SRBD1: variants seen among roughly 807,000 people sequenced by gnomAD.
SRBD1 encodes S1 RNA binding domain 1.
Under a neutral mutation model 115.3 loss-of-function variants are expected in SRBD1, and 88 were observed. The ratio of observed to expected loss-of-function variants is 0.76; its 90% CI spans 0.64 to 0.91. The LOEUF is 0.91. Among genes scored for constraint, SRBD1 ranks in the 40% least tolerant of loss-of-function variants. SRBD1 has a pLI of 0.00. For synonymous variants in SRBD1, 509 were observed against 407.7 expected (o/e 1.25, Z -2.99); for missense variants, 1,385 against 1,177.4 (o/e 1.18, Z -2.58).
At chr2:45,593,130 G>A (rs1249628624) in intron 4 of SRBD1, among the ~76,000 whole-genome samples, 2 of 152,208 alleles carry the variant, frequency 1.3e-5, no homozygotes, top group Admixed American at 6.5e-5. Flanking sequence ...TTCTAAGACA[G>A]AGGTACTTAT....
rs909220816 is a variant in SRBD1 at position 45,509,590 on chromosome 2, C to T, written c.1875-21259G>A. The stretch of plus-strand genomic sequence containing the variant: ...CAGCCTGGAGGACACAGCAAGACTC[C>T]GTCTCAAAACACACACACACACACA... On this transcript the variant is annotated intron_variant, in intron 14 of 20. Transcript: ENST00000263736. Among the ~76,000 whole-genome samples, 7 of 105,752 alleles carry T rather than the reference C, an allele frequency of 6.6e-5. No individual in the cohort carries two copies. In the East Asian group the frequency reaches 1.3e-3, roughly 19 times the overall value. The allele number at this position is 105,752 out of a possible 152,430, so 69.4% of individuals were successfully genotyped here. A position where few individuals can be genotyped will look rare whatever the true frequency, so the allele number is the denominator to read the frequency against.
In SRBD1 at chr2:45,547,623, TGAAAA is replaced by T; in HGVS notation, c.1676-16_1676-12del. On this transcript the variant is annotated splice_polypyrimidine_tract_variant and intron_variant, in intron 12 of 20. Coordinates refer to ENST00000263736, the MANE Select transcript of SRBD1 (RefSeq NM_018079.5). ...TATGAAGTATCTGACCTTTAAAAAA[TGAAAA>T]GAATAAGCCATTTTATAAGAAATTA... 6.2e-7 allele frequency: 1 copy of T among 1,601,350 alleles called. No individual in the cohort carries two copies. The highest frequency in any genetic ancestry group is 8.5e-7 in the Non-Finnish European group (1 of 1,174,624).
intron 8 of SRBD1, among the ~76,000 whole-genome samples, chr2:45,574,145 A>C (rs1673104811): frequency 6.6e-6 from 1 of 152,184 alleles, no homozygotes; most frequent in Admixed American, 6.5e-5. Context: ...GCCATAGATA[A>C]GCTGCTCTCC....
At chr2:45,574,302 G>A (rs1673109630) in intron 8 of SRBD1, among the ~76,000 whole-genome samples, 1 of 152,138 alleles carries the variant, frequency 6.6e-6, no homozygotes, top group African/African-American at 2.4e-5. Flanking sequence ...AAAAAGCAAT[G>A]CCACTCTAAA....
Position 45,414,522 on chromosome 2 carries a change from GTA to G in SRBD1, c.2334-1231_2334-1230del, listed in dbSNP as rs989101790. ...TAGTGTGTGTGTACACACATAGTGT[GTA>G]TATAGTGTGTGTACACACATAGTGT... On this transcript the variant is annotated intron_variant, in intron 18 of 20. Coordinates refer to ENST00000263736, the MANE Select transcript of SRBD1 (RefSeq NM_018079.5). 1.0e-4 allele frequency among the ~76,000 whole-genome samples: 15 copies of G among 148,094 alleles called. No homozygotes were observed. In the East Asian group the frequency reaches 1.6e-3, roughly 16 times the overall value.
At chr2:45,502,228 C>T (rs1467176624) in intron 14 of SRBD1, among the ~76,000 whole-genome samples, 1 of 152,162 alleles carries the variant, frequency 6.6e-6, no homozygotes, top group Non-Finnish European at 1.5e-5. Context: ...AGCTAAGGGT[C>T]CTGACTGTTA....
intron 14 of SRBD1, among the ~76,000 whole-genome samples, chr2:45,545,366 T>C (rs1312148985): frequency 6.8e-6 from 1 of 146,112 alleles, no homozygotes; most frequent in East Asian, 2.1e-4. Flanking sequence ...TCCTTTCTAA[T>C]AGTACATACT....
intron 16 of SRBD1, among the ~76,000 whole-genome samples, chr2:45,472,892 A>G (rs1669692527): frequency 6.6e-6 from 1 of 151,164 alleles, no homozygotes; most frequent in Non-Finnish European, 1.5e-5. Context: ...TAAGGTCAAC[A>G]TTGCTATGGC....
intron 16 of SRBD1, among the ~76,000 whole-genome samples, chr2:45,439,840 C>G (rs1385768388): frequency 6.6e-6 from 1 of 151,842 alleles, no homozygotes; most frequent in Non-Finnish European, 1.5e-5. Flanking sequence ...AGTTTCTAAC[C>G]TGGTAGGCCA....
At chr2:45,436,715 C>T (rs1668510597) in intron 16 of SRBD1, among the ~76,000 whole-genome samples, 2 of 152,162 alleles carry the variant, frequency 1.3e-5, no homozygotes, top group South Asian at 4.1e-4. Context: ...GAAACCACCC[C>T]CATGATCCAA....
At chr2:45,461,584 TTC>T (rs1178479098) in intron 16 of SRBD1, among the ~76,000 whole-genome samples, 1 of 152,190 alleles carries the variant, frequency 6.6e-6, no homozygotes, top group African/African-American at 2.4e-5. Context: ...GTGCATATGC[TTC>T]TGTGTGGTAC....
chr2:45,534,236 G>C (rs1042829604), intron 14 of SRBD1, among the ~76,000 whole-genome samples: 4 of 151,774 alleles, frequency 2.6e-5, no homozygotes, highest in Admixed American at 6.6e-5. Context: ...CACTGAAATG[G>C]TCTATTTAAA....
Position 45,416,941 on chromosome 2 carries a change from G to A in SRBD1, c.2333+1424C>T, listed in dbSNP as rs549056821. Among the ~76,000 whole-genome samples the A allele has an allele frequency of 7.6e-4, 115 of 152,240 alleles. 1 individual carries two copies. The South Asian group carries it at 0.023, about 30-fold the overall frequency. ...TTACAGGTGAGCACCACCATGCTCA[G>A]CTAATTTTTGTATTTTTAGTAGAGA... On this transcript the variant is annotated intron_variant, in intron 18 of 20. Coordinates refer to ENST00000263736, the MANE Select transcript of SRBD1 (RefSeq NM_018079.5).
intron 7 of SRBD1, among the ~76,000 whole-genome samples, chr2:45,576,644 T>G (rs549362419): frequency 6.6e-6 from 1 of 152,208 alleles, no homozygotes. Flanking sequence ...CTATAACACA[T>G]AGAGCACTCA....
chr2:45,445,656 T>C (rs1485105955), intron 16 of SRBD1, among the ~76,000 whole-genome samples: 6 of 144,306 alleles, frequency 4.2e-5, no homozygotes, highest in African/African-American at 5.1e-5. Context: ...TTAGACAGCA[T>C]AGAAAAACCA....
At chr2:45,510,850 G>A (rs1190523380) in intron 14 of SRBD1, among the ~76,000 whole-genome samples, 2 of 152,170 alleles carry the variant, frequency 1.3e-5, no homozygotes, top group African/African-American at 4.8e-5. Context: ...CATCTCAGCA[G>A]TTAGGTTAAG....
Position 45,488,328 on chromosome 2 carries a change from G to C in SRBD1, c.1878C>G (p.Ile626Met). 6.2e-7 allele frequency: 1 copy of C among 1,612,066 alleles called. No individual in the cohort carries two copies. The highest frequency in any genetic ancestry group is 1.1e-5 in the South Asian group (1 of 90,950). The change falls in exon 15 of 21, where the codon ATC becomes ATG. Residue 626 changes from isoleucine (I) to methionine (M), a missense_variant. Transcript: ENST00000263736. The stretch of plus-strand genomic sequence containing the variant: ...AGATTGATGCTCCTGCTTCACTGAC[G>C]ATACTGAGAAGACAGAAAAAGGGGA... ...YFAPLDVVYC[I>M]VSEAGASIYS...
chr2:45,464,051 T>C (rs1456316647), intron 16 of SRBD1, among the ~76,000 whole-genome samples: 20 of 152,216 alleles, frequency 1.3e-4, no homozygotes. Context: ...AACATTCCTT[T>C]ATAAGTGCTA....
intron 16 of SRBD1, among the ~76,000 whole-genome samples, chr2:45,450,627 T>C (rs1017582460): frequency 6.6e-6 from 1 of 152,170 alleles, no homozygotes; most frequent in Non-Finnish European, 1.5e-5. Flanking sequence ...AATGACTATA[T>C]ACGTCAATTA....
Sources: allele counts gnomAD v4.1 joint callset (sites outside exome capture counted in the v4.1 genomes callset), GRCh38; gene constraint gnomAD v4.1.1; transcripts MANE v1.5; gene names NCBI Gene and HGNC (gene_info 2026-07-23, HGNC 2026-07-21).